The following RCC1L variants were observed in gnomAD, a reference collection of about 807,000 sequenced individuals.
RCC1L encodes the protein RCC1 like.
A neutral mutation model predicts 58.6 loss-of-function variants in RCC1L; 46 were observed. The ratio of observed to expected loss-of-function variants is 0.79; its 90% CI spans 0.62 to 1.00. The LOEUF is 1.00. Ranked by LOEUF, RCC1L falls within the 50% of genes least tolerant of loss-of-function variation. The probability of loss-of-function intolerance (pLI) is 0.00; values close to 1 mark genes in which losing one functional copy is unlikely to be tolerated. For missense variants in RCC1L, 636 were observed against 623.6 expected (o/e 1.02, Z -0.21); for synonymous variants, 281 against 262.9 (o/e 1.07, Z -0.67).
Position 75,056,527 on chromosome 7 carries a change from A to C in RCC1L, c.1058-453T>G, listed in dbSNP as rs993274747. 4.0e-6 allele frequency: 6 copies of C among 1,512,142 alleles called. No homozygotes were observed. The African/African-American group carries it at 8.4e-5, about 21-fold the overall frequency. 93.7% of individuals were successfully genotyped at this position (1,512,142 alleles called of 1,614,324 possible). On this transcript the variant is annotated intron_variant, in intron 8 of 10. Transcript: ENST00000610322. ...TAGAAATGATGTTTTGGTTATAGAAAGTTTAATATTCATCAGTGGTGCCAG... is the reference window on the plus strand; with the variant it reads ...TAGAAATGATGTTTTGGTTATAGAACGTTTAATATTCATCAGTGGTGCCAG...
chr7:75,033,643 C>T (rs1189254102), intron 10 of RCC1L, among the ~76,000 whole-genome samples: 3 of 151,240 alleles, frequency 2.0e-5, no homozygotes, highest in Admixed American at 6.6e-5. Flanking sequence ...TGCAGTGAGC[C>T]GAGACCACGC....
intron 1 of RCC1L, among the ~76,000 whole-genome samples, chr7:75,071,119 G>A (rs587625301): frequency 5.5e-4 from 83 of 152,240 alleles, no homozygotes; most frequent in African/African-American, 1.0e-3. Context: ...GCTTCCCAAG[G>A]TGCTGGGACT....
chr7:75,048,092 C>T lies in RCC1L; in HGVS notation c.1317+4619G>A, dbSNP rs1481191864. ...GACCAGCCTGGGCAACATGGTGAAACCTCATCTCTACTAAAAATACAAAAA... is the reference window on the plus strand; with the variant it reads ...GACCAGCCTGGGCAACATGGTGAAATCTCATCTCTACTAAAAATACAAAAA... On this transcript the variant is annotated intron_variant, in intron 10 of 10. Transcript: ENST00000610322. 2.2e-4 allele frequency among the ~76,000 whole-genome samples: 33 copies of T among 150,118 alleles called. No homozygotes were observed. The East Asian group carries it at 5.6e-3, about 25-fold the overall frequency.
intron 10 of RCC1L, among the ~76,000 whole-genome samples, chr7:75,033,207 T>C (rs1380929784): frequency 1.3e-5 from 2 of 151,030 alleles, no homozygotes; most frequent in East Asian, 1.9e-4. Context: ...GCACCAGGGG[T>C]CCTTCCCGGA....
chr7:75,054,013 C>A (rs1217892473), intron 9 of RCC1L, among the ~76,000 whole-genome samples: 1 of 152,178 alleles, frequency 6.6e-6, no homozygotes, highest in East Asian at 1.9e-4. Flanking sequence ...AGCAGTCCTT[C>A]CACCTCAGCC....
chr7:75,043,246 GTCTCAGTAGGAGACAGCTTC>G, intron 10 of RCC1L, 137 bp from the exon 11 acceptor site: 2 of 1,025,308 alleles, frequency 2.0e-6, no homozygotes, highest in Non-Finnish European at 3.0e-6. Context: ...GAGACAGCTT[GTCTCAGTAGGAGACAGCTTC>G]TCTGAGCCTC....
intron 9 of RCC1L, 85 bp downstream of exon 9, chr7:75,055,816 G>A (rs1806058394): frequency 1.3e-5 from 20 of 1,531,164 alleles, no homozygotes; most frequent in Middle Eastern, 3.4e-4. Context: ...GGTGGAACCT[G>A]AGAGCTGCCC....
chr7:75,072,173 T>TATATATATATATATATAC (rs1806778109), intron 1 of RCC1L, among the ~76,000 whole-genome samples: 1 of 88,632 alleles, frequency 1.1e-5, no homozygotes, highest in Non-Finnish European at 2.3e-5. Context: ...TATATATATA[T>TATATATATATATATATAC]ATATATATAT....
At chr7:75,068,320 C>CAA (rs67141856) in intron 2 of RCC1L, among the ~76,000 whole-genome samples, 101 of 114,356 alleles carry the variant, frequency 8.8e-4, no homozygotes, top group East Asian at 1.8e-3. Context: ...AACTCTGACT[C>CAA]AAAAAAAAAA....
At chr7:75,047,228 A>T (rs1237580372) in intron 10 of RCC1L, among the ~76,000 whole-genome samples, 1 of 152,322 alleles carries the variant, frequency 6.6e-6, no homozygotes, top group East Asian at 1.9e-4. Flanking sequence ...AAGTGCTGGG[A>T]TTACAGGCGT....
chr7:75,058,899 G>A, intron 6 of RCC1L, 130 bp from the exon 7 acceptor site: 2 of 1,165,906 alleles, frequency 1.7e-6, no homozygotes, highest in African/African-American at 3.0e-5. Flanking sequence ...GTCTGGGGCT[G>A]GGTGCAGTGG....
chr7:75,061,342 G>A, intron 5 of RCC1L, 51 bp from the exon 6 acceptor site: 1 of 1,528,176 alleles, frequency 6.5e-7, no homozygotes, highest in South Asian at 1.1e-5. Context: ...TTAGAACCCT[G>A]GTGTCCTCAT....
chr7:75,057,473 C>G, intron 8 of RCC1L, 56 bp downstream of exon 8: 1 of 1,571,958 alleles, frequency 6.4e-7, no homozygotes, highest in Non-Finnish European at 8.8e-7. Flanking sequence ...ACACTGACCA[C>G]TCCCTATGTA....
chr7:75,040,349 A>G (rs2131973483), downstream of RCC1L, among the ~76,000 whole-genome samples: 1 of 152,280 alleles, frequency 6.6e-6, no homozygotes, highest in Non-Finnish European at 1.5e-5. Context: ...AGGCCCGGCT[A>G]CTCGGGAGGC....
At chr7:75,071,897 C>T (rs587599499) in intron 1 of RCC1L, among the ~76,000 whole-genome samples, 1 of 151,578 alleles carries the variant, frequency 6.6e-6, no homozygotes, top group East Asian at 2.0e-4. Flanking sequence ...TAGTACCCAT[C>T]TCAAGGTAAG....
rs1310482818 is a variant in RCC1L, at chr7:75,058,628, G to A, written c.929C>T (p.Ser310Leu). Residue 310 changes from serine (S) to leucine (L), a missense_variant, in exon 7 of 11, where the codon TCG (serine) becomes TTG (leucine). By Grantham distance (145) the Ser-to-Leu change is moderately radical. Transcript: ENST00000610322. The part of the protein sequence containing the change: ...ADGGLFGWGN[S>L]EYLQLASVTD... ...GACAGAGGCCAGCTGCAGGTACTCC[G>A]AGTTTCCCCAACCAAAAAGTCCTCC... The A allele has an allele frequency of 1.9e-6, 3 of 1,612,386 alleles. No individual in the cohort carries two copies. The highest frequency in any genetic ancestry group is 2.5e-6 in the Non-Finnish European group (3 of 1,179,214).
chr7:75,056,432 C>T, intron 8 of RCC1L: 2 of 1,244,176 alleles, frequency 1.6e-6, no homozygotes, highest in Non-Finnish European at 2.2e-6. Context: ...CCCCTAATGA[C>T]AGCTCTGTGT....
At chr7:75,046,843 C>CG (rs1805734362) in intron 10 of RCC1L, among the ~76,000 whole-genome samples, 1 of 152,150 alleles carries the variant, frequency 6.6e-6, no homozygotes, top group Non-Finnish European at 1.5e-5. Context: ...AGGTGAAAGA[C>CG]GGGGGTGCGG....
In RCC1L at chr7:75,064,584, G is replaced by A; in HGVS notation, c.648C>T (p.Tyr216=). 6.2e-7 allele frequency: 1 copy of A among 1,613,810 alleles called. No individual in the cohort carries two copies. The highest frequency in any genetic ancestry group is 8.5e-7 in the Non-Finnish European group (1 of 1,179,800). Residue 216 remains tyrosine (Y), a splice_region_variant and synonymous_variant, in exon 4 of 11, where the codon TAC becomes TAT. Transcript: ENST00000610322. Reference sequence around the variant, plus strand: ...GGGTAGGCCTTTTAGGAACTCACCTGTAAATTTCATTTTCGACCACCTTTC... The same window carrying A: ...GGGTAGGCCTTTTAGGAACTCACCTATAAATTTCATTTTCGACCACCTTTC... ...CGRKVVENEI[Y]SESHRVHRMQ... is the part of the protein sequence containing the mutation.
Sources: gnomAD v4.1 joint callset for allele counts (sites outside exome capture counted in the v4.1 genomes callset) on GRCh38, gnomAD v4.1.1 for gene constraint, MANE v1.5 for transcripts, NCBI Gene and HGNC (gene_info 2026-07-23, HGNC 2026-07-21) for gene names.